Variants in LMNTD1 observed in about 807,000 individuals in gnomAD.
The protein encoded by LMNTD1 is lamin tail domain containing 1, also known as lamin tail domain-containing protein 1.
A neutral mutation model predicts 50.9 loss-of-function variants in LMNTD1; 35 were observed. The ratio of observed to expected loss-of-function variants is 0.69; its 90% CI spans 0.53 to 0.91. The LOEUF is 0.91. Ranked by LOEUF, LMNTD1 falls within the 40% of genes least tolerant of loss-of-function variation. The pLI, the probability that LMNTD1 is intolerant of heterozygous loss-of-function variation, is 0.00. For synonymous variants in LMNTD1, 153 were observed against 161.9 expected, an observed-to-expected ratio of 0.94 and a Z score of 0.42; for missense variants, 470 against 475.5, an observed-to-expected ratio of 0.99 and a Z score of 0.11.
intron 9 of LMNTD1, among the ~76,000 whole-genome samples, chr12:25,486,429 A>G (rs1041308731): frequency 2.0e-5 from 3 of 150,652 alleles, no homozygotes; most frequent in South Asian, 2.2e-4. Flanking sequence ...TTTTCTAGAT[A>G]TACAATCATG....
chr12:25,563,003 T>A (rs1310286945), intron 1 of LMNTD1, among the ~76,000 whole-genome samples: 1 of 152,234 alleles, frequency 6.6e-6, no homozygotes, highest in African/African-American at 2.4e-5. Flanking sequence ...ATTTAAGGAC[T>A]TCTCTACACT....
intron 1 of LMNTD1, among the ~76,000 whole-genome samples, chr12:25,589,282 A>G (rs1440462929): frequency 6.6e-6 from 1 of 152,228 alleles, no homozygotes; most frequent in Non-Finnish European, 1.5e-5. Context: ...CATGTTAAAG[A>G]AAACAAATTA....
chr12:25,571,453 A>T (rs1592043653), intron 1 of LMNTD1, among the ~76,000 whole-genome samples: 1 of 147,614 alleles, frequency 6.8e-6, no homozygotes, highest in East Asian at 2.0e-4. Context: ...AAGCTCTGCC[A>T]CCCAGGTCCA....
intron 1 of LMNTD1, among the ~76,000 whole-genome samples, chr12:25,580,383 T>C (rs1276207169): frequency 6.6e-6 from 1 of 152,158 alleles, no homozygotes; most frequent in African/African-American, 2.4e-5. Context: ...TCCATTCTGA[T>C]TGGTGGGTAC....
chr12:25,619,252 C>CTCTCTCTCTCTCTATA (rs1374134268), intron 1 of LMNTD1, among the ~76,000 whole-genome samples: 5 of 84,446 alleles, frequency 5.9e-5, no homozygotes, highest in African/African-American at 2.6e-4. Context: ...CTCTCTCTCT[C>CTCTCTCTCTCTCTATA]TATATATATA....
chr12:25,594,859 C>T (rs890811376), intron 1 of LMNTD1, among the ~76,000 whole-genome samples: 2 of 151,970 alleles, frequency 1.3e-5, no homozygotes, highest in Non-Finnish European at 2.9e-5. Context: ...TAAGGATGCA[C>T]ATAAACTCAA....
chr12:25,574,412 G>A (rs577928109), intron 1 of LMNTD1, among the ~76,000 whole-genome samples: 9 of 151,980 alleles, frequency 5.9e-5, no homozygotes, highest in African/African-American at 1.5e-4. Context: ...TTCCCACACC[G>A]CTTCTGACTC....
chr12:25,624,086 A>G (rs2136573773), intron 1 of LMNTD1, among the ~76,000 whole-genome samples: 1 of 152,356 alleles, frequency 6.6e-6, no homozygotes, highest in South Asian at 2.1e-4. Flanking sequence ...CTTGGCTTAT[A>G]CTTGGATTGG....
intron 2 of LMNTD1, among the ~76,000 whole-genome samples, chr12:25,552,177 T>C (rs1218560505): frequency 6.6e-6 from 1 of 152,228 alleles, no homozygotes. Flanking sequence ...GAATGATTTA[T>C]ATTAAATGTA....
intron 3 of LMNTD1, among the ~76,000 whole-genome samples, chr12:25,548,340 T>C (rs932498707): frequency 6.6e-6 from 1 of 151,878 alleles, no homozygotes; most frequent in Non-Finnish European, 1.5e-5. Flanking sequence ...TAGAGGATAA[T>C]GGAGGCATCA....
chr12:25,557,821 A>C (rs1944104033), upstream of LMNTD1, among the ~76,000 whole-genome samples: 1 of 152,202 alleles, frequency 6.6e-6, no homozygotes, highest in Non-Finnish European at 1.5e-5. Flanking sequence ...TTTCCTATTG[A>C]TATAAATTTG....
chr12:25,484,025 GA>G (rs1179333142), intron 9 of LMNTD1, among the ~76,000 whole-genome samples: 1 of 151,794 alleles, frequency 6.6e-6, no homozygotes, highest in East Asian at 1.9e-4. Flanking sequence ...AGATGACTGA[GA>G]AAAAAACAAG....
chr12:25,486,544 G>A (rs1938648818), intron 9 of LMNTD1, among the ~76,000 whole-genome samples: 1 of 139,766 alleles, frequency 7.2e-6, no homozygotes, highest in Non-Finnish European at 1.5e-5. Context: ...ATACCATGTT[G>A]AATAGGAGTG....
At chr12:25,536,576 C>A (rs1165931391) in intron 4 of LMNTD1, among the ~76,000 whole-genome samples, 1 of 152,040 alleles carries the variant, frequency 6.6e-6, no homozygotes, top group Non-Finnish European at 1.5e-5. Flanking sequence ...TTGTGGGATG[C>A]CACTAAGCTG....
At chr12:25,570,146 G>A (rs1463323101) in intron 1 of LMNTD1, among the ~76,000 whole-genome samples, 1 of 152,092 alleles carries the variant, frequency 6.6e-6, no homozygotes, top group Non-Finnish European at 1.5e-5. Flanking sequence ...CGTTTACAAG[G>A]CAATTGAATA....
At chr12:25,545,805 C>T (rs994585277) in intron 4 of LMNTD1, among the ~76,000 whole-genome samples, 1 of 151,570 alleles carries the variant, frequency 6.6e-6, no homozygotes, top group Non-Finnish European at 1.5e-5. Flanking sequence ...TTCTTTTAGC[C>T]ATCTAACAAC....
chr12:25,495,625 C>T (rs1939035326), intron 9 of LMNTD1, among the ~76,000 whole-genome samples: 1 of 152,090 alleles, frequency 6.6e-6, no homozygotes, highest in Non-Finnish European at 1.5e-5. Context: ...AAATAAAATG[C>T]TGCAAAAACA....
Position 25,535,723 on chromosome 12 carries a change from C to A in LMNTD1, c.492-8768G>T, listed in dbSNP as rs932727209. ...AACAAGATGGTAGACTAAACCTAAT[C>A]ATATTAATGATAGCCTTAAATGTAA... On this transcript the variant is annotated intron_variant, in intron 4 of 9. Transcript: ENST00000458174. Among the ~76,000 whole-genome samples the A allele has an allele frequency of 9.9e-5, 15 of 151,994 alleles. No individual in the cohort carries two copies. In the East Asian group the frequency reaches 2.9e-3, roughly 29 times the overall value.
intron 4 of LMNTD1, among the ~76,000 whole-genome samples, chr12:25,534,524 T>G (rs993884237): frequency 6.6e-6 from 1 of 152,074 alleles, no homozygotes. Flanking sequence ...GAGACCAAGG[T>G]GGCTGGAGGT....
Sources: gnomAD v4.1 joint callset for allele counts (sites outside exome capture counted in the v4.1 genomes callset) on GRCh38, gnomAD v4.1.1 for gene constraint, MANE v1.5 for transcripts, NCBI Gene and HGNC (gene_info 2026-07-23, HGNC 2026-07-21) for gene names.